LRCH2: variants seen among roughly 807,000 people sequenced by gnomAD.
LRCH2 encodes the protein leucine rich repeats and calponin homology domain containing 2.
LRCH2 carries 38 observed loss-of-function variants against 68.9 expected under a neutral mutation model. That is an observed-to-expected ratio of 0.55 (90% CI 0.43 to 0.72). LRCH2 has a LOEUF of 0.72. Among genes scored for constraint, LRCH2 ranks in the 30% least tolerant of loss-of-function variants. LRCH2 has a pLI of 0.00. For missense variants in LRCH2, 528 were observed against 572.9 expected (o/e 0.92, Z 0.80); for synonymous variants, 191 against 208.1 (o/e 0.92, Z 0.71).
intron 11 of LRCH2, among the ~76,000 whole-genome samples, chrX:115,160,664 C>A (rs1213270373): frequency 8.9e-6 from 1 of 112,055 alleles, no homozygotes; most frequent in Non-Finnish European, 1.9e-5. Flanking sequence ...AGAGATGTTA[C>A]AACTCCTGGC....
At chrX:115,225,738 A>G (rs782319415) in intron 1 of LRCH2, among the ~76,000 whole-genome samples, 1 of 111,749 alleles carries the variant, frequency 8.9e-6, no homozygotes, top group East Asian at 2.8e-4. Flanking sequence ...ATAGAATTCT[A>G]TTTTTTAAAA....
At chrX:115,206,727 A>G (rs1318430725) in intron 1 of LRCH2, among the ~76,000 whole-genome samples, 2 of 111,065 alleles carry the variant, frequency 1.8e-5, no homozygotes, top group South Asian at 3.8e-4. Flanking sequence ...TCCACACTCT[A>G]TATTTCTGTG....
intron 5 of LRCH2, among the ~76,000 whole-genome samples, chrX:115,177,870 A>C (rs1437433572): frequency 1.6e-4 from 16 of 102,441 alleles, no homozygotes; most frequent in African/African-American, 5.9e-4. Flanking sequence ...TTCAACTCCC[A>C]CTTATGAGTG....
chrX:115,154,330 C>T (rs146168982), intron 12 of LRCH2, among the ~76,000 whole-genome samples: 3,067 of 111,484 alleles, frequency 0.028, 56 homozygotes, highest in Non-Finnish European at 0.043. Context: ...CCTTCTCTTA[C>T]TAACTGATAG....
At chrX:115,120,922 C>G (rs1191472621) in intron 20 of LRCH2, among the ~76,000 whole-genome samples, 1 of 101,302 alleles carries the variant, frequency 9.9e-6, no homozygotes. Flanking sequence ...ATCGCAAGAA[C>G]AAAAAACCAA....
At chrX:115,207,248 A>C (rs1424865791) in intron 1 of LRCH2, among the ~76,000 whole-genome samples, 1 of 111,872 alleles carries the variant, frequency 8.9e-6, no homozygotes, top group Non-Finnish European at 1.9e-5. Context: ...GGGGGAAAAA[A>C]AAACAGCTGG....
chrX:115,156,667 C>T lies in LRCH2; in HGVS notation c.1464G>A (p.Arg488=), dbSNP rs1431073824. ...TCACAGAAGTTGAATGATTAAGAAT[C>T]CTAGAAGTAAATCAACACATTAATT... ...AQLLQQEQKN[R]ILNHSTSVMR... Residue 488 remains arginine (R), a splice_region_variant and synonymous_variant, in exon 12 of 21, where the codon AGG becomes AGA. Coordinates refer to ENST00000317135, the MANE Select transcript of LRCH2 (RefSeq NM_020871.4). 2.1e-5 allele frequency: 23 copies of T among 1,106,995 alleles called. No individual in the cohort carries two copies. The highest frequency in any genetic ancestry group is 3.7e-5 in the African/African-American group (2 of 54,115). 91.2% of individuals were successfully genotyped at this position (1,106,995 alleles called of 1,213,427 possible). A position where few individuals can be genotyped will look rare whatever the true frequency, so the allele number is the denominator to read the frequency against.
At chrX:115,216,114 T>C (rs782786034) in intron 1 of LRCH2, among the ~76,000 whole-genome samples, 283 of 112,055 alleles carry the variant, frequency 2.5e-3, no homozygotes, top group African/African-American at 8.5e-3. Context: ...TTTTTATATC[T>C]TTAACATGGA....
intron 14 of LRCH2, among the ~76,000 whole-genome samples, chrX:115,147,854 C>T: frequency 9.1e-6 from 1 of 110,366 alleles, no homozygotes; most frequent in Admixed American, 9.7e-5. Flanking sequence ...GAATTTGAGA[C>T]CAGCCTGGGC....
At chrX:115,190,039 G>T (rs1556556758) in intron 1 of LRCH2, 14 of 1,156,953 alleles carry the variant, frequency 1.2e-5, no homozygotes, top group Non-Finnish European at 1.6e-5. Flanking sequence ...ACGGCGCTGG[G>T]CCGGCCCACC....
At chrX:115,154,754 T>C (rs782135716) in intron 12 of LRCH2, among the ~76,000 whole-genome samples, 5 of 111,751 alleles carry the variant, frequency 4.5e-5, no homozygotes, top group African/African-American at 6.5e-5. Flanking sequence ...CATGTGTTAC[T>C]TGTGGGAATG....
At chrX:115,187,591 G>A (rs1406779610) in intron 2 of LRCH2, among the ~76,000 whole-genome samples, 1 of 112,055 alleles carries the variant, frequency 8.9e-6, no homozygotes, top group Admixed American at 9.5e-5. Flanking sequence ...GTAATGCAGG[G>A]ATAACAATGG....
At chrX:115,229,482 T>A (rs2073139880) in intron 1 of LRCH2, among the ~76,000 whole-genome samples, 1 of 112,142 alleles carries the variant, frequency 8.9e-6, no homozygotes. Context: ...AATGGTATTA[T>A]CTTAATGATG....
chrX:115,210,431 G>A (rs1556569641), intron 1 of LRCH2, among the ~76,000 whole-genome samples: 1 of 112,307 alleles, frequency 8.9e-6, no homozygotes, highest in Non-Finnish European at 1.9e-5. Context: ...GCCTGCAGGT[G>A]CACAGAAGTC....
Position 115,192,102 on chromosome X carries a change from C to T in LRCH2, c.350-3732G>A, listed in dbSNP as rs781868243. 84 of 1,165,571 alleles carry T rather than the reference C, an allele frequency of 7.2e-5. No individual in the cohort carries two copies. In the Admixed American group the frequency reaches 1.2e-3, roughly 17 times the overall value. The stretch of plus-strand genomic sequence containing the variant: ...ATGCCCACAGCGGGGACCACTACAC[C>T]GAAGCCTACAGCAGGGGCCGCGACA... On this transcript the variant is annotated intron_variant, in intron 1 of 20. Coordinates refer to ENST00000317135, the MANE Select transcript of LRCH2 (RefSeq NM_020871.4).
chrX:115,231,204 G>A (rs1259577980), intron 1 of LRCH2, among the ~76,000 whole-genome samples: 1 of 110,756 alleles, frequency 9.0e-6, no homozygotes, highest in African/African-American at 3.3e-5. Context: ...CTAACTAATC[G>A]GTTTGGTTCT....
chrX:115,174,210 T>C (rs1047926563), intron 5 of LRCH2, among the ~76,000 whole-genome samples: 9 of 111,664 alleles, frequency 8.1e-5, no homozygotes, highest in Admixed American at 3.8e-4. Context: ...AGTTACCTTG[T>C]TTGTGTGTGT....
intron 1 of LRCH2, among the ~76,000 whole-genome samples, chrX:115,220,107 A>G (rs2073068440): frequency 8.9e-6 from 1 of 112,415 alleles, no homozygotes; most frequent in Non-Finnish European, 1.9e-5. Context: ...TAGAGAATGC[A>G]TTATCTGTCC....
At chrX:115,191,341 CGAGGCCGCTCCCTTGATGCCAACAGTG>C (rs1569515919) in intron 1 of LRCH2, 1 of 1,149,100 alleles carries the variant, frequency 8.7e-7, no homozygotes, top group South Asian at 1.9e-5. Flanking sequence ...CGAGGAGTAC[CGAGGCCGCTCCCTTGATGCCAACAGTG>C]GAGGCCGCTC....
Sources: allele counts gnomAD v4.1 joint callset (sites outside exome capture counted in the v4.1 genomes callset), GRCh38; gene constraint gnomAD v4.1.1; transcripts MANE v1.5; gene names NCBI Gene and HGNC (gene_info 2026-07-23, HGNC 2026-07-21).